The following WWOX variants were observed in gnomAD, a reference collection of about 807,000 sequenced individuals.
WWOX encodes the protein WW domain containing oxidoreductase.
WWOX carries 69 observed loss-of-function variants against 46.2 expected under a neutral mutation model. The observed-to-expected ratio is 1.49, with a 90% CI of 1.23 to 1.82. WWOX has a LOEUF of 1.82. WWOX is among the 40% of genes most tolerant of loss of function. The pLI is 0.00. For missense variants in WWOX, 919 were observed against 542.6 expected, an observed-to-expected ratio of 1.69 and a Z score of -6.89; for synonymous variants, 359 against 202.6, an observed-to-expected ratio of 1.77 and a Z score of -6.56.
At chr16:78,148,788 C>T (rs11639548) in intron 4 of WWOX, among the ~76,000 whole-genome samples, 28,858 of 150,028 alleles carry the variant, frequency 0.19, 2,696 homozygotes, top group East Asian at 0.22. Flanking sequence ...GTCCCAGCTA[C>T]TCGGGAGGCT....
intron 8 of WWOX, among the ~76,000 whole-genome samples, chr16:78,952,252 G>T (rs1012287490): frequency 1.3e-5 from 2 of 152,010 alleles, no homozygotes; most frequent in Non-Finnish European, 2.9e-5. Context: ...TTTCAACTCA[G>T]TGGTCACTGT....
chr16:78,531,887 A>G (rs2043631841), intron 8 of WWOX, among the ~76,000 whole-genome samples: 1 of 152,082 alleles, frequency 6.6e-6, no homozygotes, highest in Admixed American at 6.6e-5. Flanking sequence ...ATAAATAAAA[A>G]TTGTTTAAAC....
At chr16:78,247,722 T>C (rs2037856662) in intron 5 of WWOX, among the ~76,000 whole-genome samples, 1 of 152,206 alleles carries the variant, frequency 6.6e-6, no homozygotes, top group Admixed American at 6.5e-5. Flanking sequence ...GTCCTAGGGA[T>C]GCTCTTCTGG....
At chr16:78,373,494 TC>T (rs1161656712) in intron 5 of WWOX, among the ~76,000 whole-genome samples, 2 of 152,186 alleles carry the variant, frequency 1.3e-5, no homozygotes, top group Non-Finnish European at 2.9e-5. Context: ...TGTAAATATC[TC>T]ACCTCAATGC....
At chr16:79,073,617 C>A (rs1243969592) in intron 8 of WWOX, among the ~76,000 whole-genome samples, 1 of 152,308 alleles carries the variant, frequency 6.6e-6, no homozygotes, top group African/African-American at 2.4e-5. Context: ...TGTCTGTTCT[C>A]CCTTTATTAC....
intron 8 of WWOX, among the ~76,000 whole-genome samples, chr16:78,650,396 C>T (rs538423090): frequency 1.3e-5 from 2 of 152,102 alleles, no homozygotes; most frequent in South Asian, 4.1e-4. Context: ...CAAATGAATA[C>T]AGATTCATTT....
intron 8 of WWOX, among the ~76,000 whole-genome samples, chr16:78,614,421 G>C (rs1470542065): frequency 2.0e-5 from 3 of 152,198 alleles, no homozygotes; most frequent in African/African-American, 7.2e-5. Flanking sequence ...CTTTGAGCCG[G>C]GGCCCTGAGG....
intron 5 of WWOX, among the ~76,000 whole-genome samples, chr16:78,357,611 A>G (rs562126364): frequency 1.1e-4 from 16 of 152,274 alleles, no homozygotes; most frequent in Middle Eastern, 3.4e-3. Context: ...AAACATTTCC[A>G]TATCATTAAT....
At chr16:78,446,348 A>G (rs2083560690) in intron 8 of WWOX, among the ~76,000 whole-genome samples, 1 of 152,128 alleles carries the variant, frequency 6.6e-6, no homozygotes, top group African/African-American at 2.4e-5. Flanking sequence ...TACTTTCTCC[A>G]TGGCCTTGGT....
intron 8 of WWOX, among the ~76,000 whole-genome samples, chr16:79,088,158 G>C (rs2048887633): frequency 6.6e-6 from 1 of 152,134 alleles, no homozygotes; most frequent in Non-Finnish European, 1.5e-5. Flanking sequence ...ATCTCCCCAG[G>C]CCATGCCACT....
intron 8 of WWOX, among the ~76,000 whole-genome samples, chr16:78,787,885 C>T (rs1310199293): frequency 6.6e-6 from 1 of 151,922 alleles, no homozygotes; most frequent in African/African-American, 2.4e-5. Context: ...TTTGCATTTC[C>T]CTCATGATTA....
intron 5 of WWOX, among the ~76,000 whole-genome samples, chr16:78,336,006 C>T (rs536572717): frequency 8.5e-5 from 13 of 152,056 alleles, no homozygotes; most frequent in Admixed American, 6.5e-4. Flanking sequence ...GCAGGAGAAT[C>T]GCTTGAACCT....
intron 8 of WWOX, among the ~76,000 whole-genome samples, chr16:79,087,308 C>A (rs1248989845): frequency 2.0e-5 from 3 of 152,220 alleles, no homozygotes; most frequent in African/African-American, 7.2e-5. Flanking sequence ...ATGCTTGGTT[C>A]TTCCTGTGTT....
intron 8 of WWOX, among the ~76,000 whole-genome samples, chr16:79,145,417 GTCTCGA>G (rs562143159): frequency 6.6e-6 from 1 of 152,176 alleles, no homozygotes; most frequent in East Asian, 1.9e-4. Flanking sequence ...GCCCAGGCTG[GTCTCGA>G]TCTCCTAGGC....
At chr16:79,124,891 A>G (rs1009733756) in intron 8 of WWOX, among the ~76,000 whole-genome samples, 1 of 152,184 alleles carries the variant, frequency 6.6e-6, no homozygotes, top group Non-Finnish European at 1.5e-5. Context: ...ACCCTTACAT[A>G]TTTTAATTTA....
At chr16:78,892,244 C>T (rs1470782306) in intron 8 of WWOX, 1 of 152,156 alleles carries the variant, frequency 6.6e-6, no homozygotes, top group East Asian at 1.9e-4. Flanking sequence ...ACCCTAGCTC[C>T]TCTTTAATCT....
chr16:78,129,835 A>G (rs2033517521), intron 4 of WWOX, among the ~76,000 whole-genome samples: 1 of 152,118 alleles, frequency 6.6e-6, no homozygotes, highest in Non-Finnish European at 1.5e-5. Flanking sequence ...TCTTCCCCAA[A>G]AATTCCTATG....
chr16:78,580,665 C>G (rs1252090631), intron 8 of WWOX, among the ~76,000 whole-genome samples: 1 of 152,194 alleles, frequency 6.6e-6, no homozygotes, highest in Admixed American at 6.5e-5. Context: ...GTAACACTAT[C>G]TTGTTTGCAG....
chr16:78,236,014 A>G (rs1001458378), intron 5 of WWOX, among the ~76,000 whole-genome samples: 2 of 152,188 alleles, frequency 1.3e-5, no homozygotes, highest in African/African-American at 4.8e-5. Context: ...TACAGCAGGA[A>G]AGCAGCCACA....
Sources: gnomAD v4.1 joint callset for allele counts (sites outside exome capture counted in the v4.1 genomes callset) on GRCh38, gnomAD v4.1.1 for gene constraint, MANE v1.5 for transcripts, NCBI Gene and HGNC (gene_info 2026-07-23, HGNC 2026-07-21) for gene names.